The following WDFY3 variants were observed in gnomAD, a reference collection of about 807,000 sequenced individuals.
WDFY3 encodes WD repeat and FYVE domain containing 3.
WDFY3 carries 66 observed loss-of-function variants against 409.6 expected under a neutral mutation model. The observed-to-expected ratio is 0.16, with a 90% CI of 0.13 to 0.20. The LOEUF (loss-of-function observed/expected upper bound fraction) is 0.20. Among genes scored for constraint, WDFY3 ranks in the 10% least tolerant of loss-of-function variants. The pLI, the probability that WDFY3 is intolerant of heterozygous loss-of-function variation, is 1.00. For synonymous variants in WDFY3, 1,521 were observed against 1,537.1 expected (o/e 0.99, Z 0.25); for missense variants, 3,031 against 4,298.1 (o/e 0.71, Z 8.24).
rs772358719 is a variant in WDFY3 at position 84,860,478 on chromosome 4, A to T, written c.114T>A (p.Pro38=). 8.7e-6 allele frequency: 14 copies of T among 1,614,066 alleles called. No homozygotes were observed. The highest frequency in any genetic ancestry group is 1.2e-5 in the Non-Finnish European group (14 of 1,179,980). ...LRRLFTELCH[P]PRHMTQKEQE... is the part of the protein sequence containing the mutation. The stretch of plus-strand genomic sequence containing the variant: ...GTTCCTTCTGAGTCATGTGCCGGGG[A>T]GGATGGCACAACTCCGTGAAGAGCC... The change falls in exon 4 of 68, where the codon CCT becomes CCA. Residue 38 remains proline, a synonymous_variant. Transcript: ENST00000295888.
chr4:84,772,748 T>C (rs1211413852), intron 30 of WDFY3, 87 bp downstream of exon 30: 2 of 1,017,066 alleles, frequency 2.0e-6, no homozygotes, highest in East Asian at 5.4e-5. Context: ...TATAATCACA[T>C]GTAATTCAGG....
At chr4:84,805,764 T>G (rs916153617) in intron 15 of WDFY3, among the ~76,000 whole-genome samples, 15 of 152,186 alleles carry the variant, frequency 9.9e-5, no homozygotes, top group African/African-American at 3.6e-4. Flanking sequence ...ATCCCATGTT[T>G]GAAGAATAAC....
At chr4:84,773,156 G>A (rs187680947) in intron 29 of WDFY3, among the ~76,000 whole-genome samples, 138 of 151,668 alleles carry the variant, frequency 9.1e-4, no homozygotes, top group African/African-American at 3.2e-3. Context: ...CATACCACCA[G>A]CGAGAAAGAT....
intron 4 of WDFY3, among the ~76,000 whole-genome samples, chr4:84,857,160 T>C (rs936725633): frequency 1.3e-5 from 2 of 152,012 alleles, no homozygotes; most frequent in Non-Finnish European, 2.9e-5. Context: ...TGCATACACA[T>C]ATGTTTCTAA....
chr4:84,898,436 G>A (rs184682554), intron 2 of WDFY3, among the ~76,000 whole-genome samples: 13 of 152,102 alleles, frequency 8.5e-5, no homozygotes, highest in Non-Finnish European at 1.6e-4. Context: ...TGTTTGTTTC[G>A]TCCCCAAATA....
At position 84,765,955 on chromosome 4, in the gene WDFY3, G is replaced by A. The variant is rs763225666; in HGVS notation, c.5043C>T (p.Ser1681=). The A allele has an allele frequency of 3.1e-6, 5 of 1,613,820 alleles. No individual in the cohort carries two copies. The Admixed American group carries it at 6.7e-5, about 22-fold the overall frequency. ...IMMFMEEHLH[S]TTVTAAMRIL... is the part of the protein sequence containing the mutation. ...TCCTCATGGCTGCTGTAACTGTGGTGGAATGTAAGTGTTCCTCCATAAACA... is the reference window on the plus strand; with the variant it reads ...TCCTCATGGCTGCTGTAACTGTGGTAGAATGTAAGTGTTCCTCCATAAACA... Residue 1681 remains serine, a synonymous_variant, in exon 32 of 68, where the codon TCC becomes TCT. Transcript: ENST00000295888.
In WDFY3 at chr4:84,779,156, A is replaced by G. The variant is rs189543952; in HGVS notation, c.4366-501T>C. 9.1e-4 allele frequency among the ~76,000 whole-genome samples: 138 copies of G among 152,252 alleles called. 1 individual carries two copies. The highest frequency in any genetic ancestry group is 6.8e-3 in the Middle Eastern group (2 of 294). On this transcript the variant is annotated intron_variant, in intron 26 of 67. Transcript: ENST00000295888. ...AATTAGTCATTCTCTTATTACTGGT[A>G]TATCTAGATTGTTCTATTTTTTCAT...
At chr4:84,686,976 T>C (rs1488056465) in intron 62 of WDFY3, among the ~76,000 whole-genome samples, 2 of 152,218 alleles carry the variant, frequency 1.3e-5, no homozygotes, top group African/African-American at 4.8e-5. Context: ...TTTCATTTAT[T>C]TGTATATGAA....
At chr4:84,753,648 G>A (rs369571255) in intron 35 of WDFY3, 49 bp downstream of exon 35, 5 of 1,500,504 alleles carry the variant, frequency 3.3e-6, no homozygotes, top group Non-Finnish European at 4.4e-6. Context: ...ACTAATTCCA[G>A]TTCTGACATT....
rs758222232 is a variant in WDFY3, at chr4:84,677,151, C to T, written c.10457+48G>A. ...CTGTGTGCAGGACATAATTAACAACCTTAGAGCTTAATCAATGTAAATTCA... is the reference window on the plus strand; with the variant it reads ...CTGTGTGCAGGACATAATTAACAACTTTAGAGCTTAATCAATGTAAATTCA... On this transcript the variant is annotated intron_variant, in intron 67 of 67. Coordinates refer to ENST00000295888, the MANE Select transcript of WDFY3 (RefSeq NM_014991.6). 6.2e-6 allele frequency: 10 copies of T among 1,606,596 alleles called. No individual in the cohort carries two copies. The Admixed American group carries it at 1.2e-4, about 19-fold the overall frequency.
intron 3 of WDFY3, among the ~76,000 whole-genome samples, chr4:84,894,225 C>G (rs1765313440): frequency 1.3e-5 from 2 of 152,102 alleles, no homozygotes; most frequent in Admixed American, 6.5e-5. Context: ...AGCATTATTA[C>G]TTTTGAGAAC....
chr4:84,836,851 T>C, intron 7 of WDFY3, 78 bp downstream of exon 7: 1 of 1,227,376 alleles, frequency 8.1e-7, no homozygotes, highest in East Asian at 2.8e-5. Flanking sequence ...AAAAATGGAA[T>C]ATGTAAAACA....
chr4:84,803,173 G>A (rs1207235849), intron 16 of WDFY3, 117 bp downstream of exon 16: 1 of 1,129,992 alleles, frequency 8.8e-7, no homozygotes, highest in African/African-American at 1.6e-5. Context: ...TTCCCCTTCA[G>A]CTACTTTAGT....
intron 2 of WDFY3, among the ~76,000 whole-genome samples, chr4:84,910,056 C>A (rs185603242): frequency 3.6e-4 from 55 of 152,244 alleles, no homozygotes; most frequent in African/African-American, 1.3e-3. Context: ...AACTGCAGAT[C>A]AAAAATATTC....
Position 84,672,961 on chromosome 4 carries a change from G to A in WDFY3, c.10488C>T (p.Arg3496=), listed in dbSNP as rs759251532. ...CACGCACCGGGGATGAGATTTTCAA[G>A]CGTTTGATTTCAGATTGAAAGCGAC... The part of the protein sequence containing the change: ...KCSRFQSEIK[R]LKISSPVRVC... The change falls in exon 68 of 68, where the codon CGC becomes CGT. Residue 3496 remains arginine, a synonymous_variant. Transcript: ENST00000295888. 40 of 1,613,934 alleles carry A rather than the reference G, an allele frequency of 2.5e-5. No individual in the cohort carries two copies. Among genetic ancestry groups the A allele is most frequent in the Non-Finnish European group, 3.2e-5 (38 of 1,179,990 alleles).
intron 45 of WDFY3, among the ~76,000 whole-genome samples, 159 bp downstream of exon 45, chr4:84,726,702 T>C (rs1735711287): frequency 1.3e-5 from 2 of 151,918 alleles, no homozygotes; most frequent in Non-Finnish European, 2.9e-5. Context: ...TCAGCCTGAA[T>C]GAAACCAACG....
At chr4:84,713,082 G>T in intron 51 of WDFY3, 77 bp downstream of exon 51, 1 of 1,476,184 alleles carries the variant, frequency 6.8e-7, no homozygotes, top group Non-Finnish European at 9.4e-7. Context: ...CATCTAAAAT[G>T]TTAAATAATA....
At position 84,896,906 on chromosome 4, in the gene WDFY3, C is replaced by T. The variant is rs1765715696; in HGVS notation, c.-32+5G>A. 6.6e-6 allele frequency: 1 copy of T among 152,192 alleles called. No individual in the cohort carries two copies. Among genetic ancestry groups the T allele is most frequent in the African/African-American group, 2.4e-5 (1 of 41,450 alleles). 9.4% of individuals were successfully genotyped at this position (152,192 alleles called of 1,614,324 possible). On this transcript the variant is annotated splice_donor_5th_base_variant and intron_variant, in intron 3 of 67. Transcript: ENST00000295888. ...AACCCACAATTTTTCTTCCCAGAGA[C>T]TGACCTTTAGGGAATTCCTTGGGTA...
intron 50 of WDFY3, 93 bp from the exon 51 acceptor site, chr4:84,713,332 T>A: frequency 8.6e-7 from 1 of 1,163,168 alleles, no homozygotes; most frequent in Admixed American, 1.7e-5. Context: ...TAGATTTTCA[T>A]AGTTGCGTCT....
Sources: gnomAD v4.1 joint callset for allele counts (sites outside exome capture counted in the v4.1 genomes callset) on GRCh38, gnomAD v4.1.1 for gene constraint, MANE v1.5 for transcripts, NCBI Gene and HGNC (gene_info 2026-07-23, HGNC 2026-07-21) for gene names.